Variants in PPARGC1A observed in about 807,000 individuals in gnomAD.
PPARGC1A encodes PPARG coactivator 1 alpha, also known as peroxisome proliferator-activated receptor gamma coactivator 1-alpha.
A neutral mutation model predicts 88.7 loss-of-function variants in PPARGC1A; 25 were observed. The ratio of observed to expected loss-of-function variants is 0.28; its 90% CI spans 0.21 to 0.39. PPARGC1A has a LOEUF of 0.39. Ranked by LOEUF, PPARGC1A falls within the 10% of genes least tolerant of loss-of-function variation. The pLI is 1.00. For missense variants in PPARGC1A, 880 were observed against 968.7 expected (o/e 0.91, Z 1.22); for synonymous variants, 363 against 355.6 (o/e 1.02, Z -0.24).
chr4:24,010,985 T>G, the PPARGC1A span, among the ~76,000 whole-genome samples: 1 of 152,100 alleles, frequency 6.6e-6, no homozygotes, highest in Non-Finnish European at 1.5e-5. Flanking sequence ...TCTGTTCAAC[T>G]ACGATAATGA....
the PPARGC1A span, among the ~76,000 whole-genome samples, chr4:23,987,666 C>T: frequency 6.6e-6 from 1 of 151,982 alleles, no homozygotes; most frequent in Non-Finnish European, 1.5e-5. Flanking sequence ...AGCACATACA[C>T]TTCTAAGTTA....
At chr4:24,210,172 C>A in the PPARGC1A span, among the ~76,000 whole-genome samples, 2,810 of 152,260 alleles carry the variant, frequency 0.018, 85 homozygotes, top group East Asian at 0.15. Flanking sequence ...TGAGTGTCAT[C>A]ATCTGCAATC....
the PPARGC1A span, among the ~76,000 whole-genome samples, chr4:24,330,624 TAGTATTTTAAGC>T: frequency 6.6e-6 from 1 of 152,192 alleles, no homozygotes; most frequent in African/African-American, 2.4e-5. Context: ...AATAACAAAT[TAGTATTTTAAGC>T]CACTAGATTG....
the PPARGC1A span, among the ~76,000 whole-genome samples, chr4:23,919,157 A>G: frequency 2.0e-5 from 3 of 152,194 alleles, no homozygotes; most frequent in South Asian, 4.1e-4. Context: ...GCAACTTTAC[A>G]TACACATTGT....
the PPARGC1A span, among the ~76,000 whole-genome samples, chr4:23,994,792 T>A: frequency 2.0e-5 from 3 of 152,122 alleles, no homozygotes; most frequent in African/African-American, 4.8e-5. Flanking sequence ...CAAAGTCCTA[T>A]CAGAAATGAC....
the PPARGC1A span, among the ~76,000 whole-genome samples, chr4:24,115,198 G>A: frequency 6.6e-6 from 1 of 152,092 alleles, no homozygotes; most frequent in Non-Finnish European, 1.5e-5. Flanking sequence ...GCCTCAGAAA[G>A]AAATGTCATC....
the PPARGC1A span, among the ~76,000 whole-genome samples, chr4:24,020,467 C>T: frequency 3.3e-5 from 5 of 152,122 alleles, no homozygotes; most frequent in African/African-American, 1.2e-4. Flanking sequence ...TCAATACAGA[C>T]TGTCTTAGAA....
the PPARGC1A span, among the ~76,000 whole-genome samples, chr4:24,260,890 G>A: frequency 7.9e-5 from 12 of 152,088 alleles, no homozygotes; most frequent in Admixed American, 6.6e-5. Flanking sequence ...ATCTTCACCT[G>A]TTAGCCCTTG....
intron 2 of PPARGC1A, among the ~76,000 whole-genome samples, chr4:23,867,763 G>A (rs532769071): frequency 1.3e-5 from 2 of 152,282 alleles, no homozygotes; most frequent in Admixed American, 6.5e-5. Context: ...TAGCCCCTAA[G>A]CTTGATTCTT....
the PPARGC1A span, among the ~76,000 whole-genome samples, chr4:24,247,061 T>C: frequency 2.6e-5 from 4 of 152,188 alleles, no homozygotes; most frequent in Admixed American, 2.6e-4. Flanking sequence ...TTGGAGCATA[T>C]GGATTGGGTG....
intron 2 of PPARGC1A, among the ~76,000 whole-genome samples, chr4:23,846,164 C>G (rs1047270268): frequency 6.6e-6 from 1 of 152,114 alleles, no homozygotes; most frequent in African/African-American, 2.4e-5. Flanking sequence ...ATTTACAGAA[C>G]GATGAAAAGG....
the PPARGC1A span, among the ~76,000 whole-genome samples, chr4:23,911,465 C>G: frequency 6.6e-6 from 1 of 152,140 alleles, no homozygotes; most frequent in Non-Finnish European, 1.5e-5. Flanking sequence ...CTTGAGATGA[C>G]AGATACAATA....
the PPARGC1A span, among the ~76,000 whole-genome samples, chr4:24,194,637 C>CAT: frequency 0.085 from 2,004 of 23,684 alleles, 52 homozygotes; most frequent in African/African-American, 0.15. Context: ...CGCGCACACA[C>CAT]ACACACACAC....
At chr4:24,199,153 C>T in the PPARGC1A span, among the ~76,000 whole-genome samples, 1 of 152,176 alleles carries the variant, frequency 6.6e-6, no homozygotes, top group Non-Finnish European at 1.5e-5. Context: ...AGCTCAAGAA[C>T]AGAAAGTTAA....
the PPARGC1A span, among the ~76,000 whole-genome samples, chr4:23,991,155 C>T: frequency 6.6e-6 from 1 of 152,106 alleles, no homozygotes; most frequent in South Asian, 2.1e-4. Context: ...CACAGCCACT[C>T]CACTTTCTGG....
chr4:24,269,082 T>A, the PPARGC1A span, among the ~76,000 whole-genome samples: 8 of 152,368 alleles, frequency 5.3e-5, no homozygotes, highest in Admixed American at 5.2e-4. Context: ...TTATTGCTTT[T>A]AAAATCTAAA....
chr4:23,873,307 A>C (rs1346159503), intron 2 of PPARGC1A, among the ~76,000 whole-genome samples: 1 of 152,186 alleles, frequency 6.6e-6, no homozygotes, highest in Non-Finnish European at 1.5e-5. Context: ...GTAATATTGC[A>C]TAGTGCTTTA....
chr4:24,076,917 C>T, the PPARGC1A span, among the ~76,000 whole-genome samples: 263 of 152,148 alleles, frequency 1.7e-3, no homozygotes, highest in Non-Finnish European at 3.1e-3. Context: ...CACCGCTGAA[C>T]TATGGAGTGT....
At chr4:23,876,860 T>C (rs977359406) in intron 2 of PPARGC1A, among the ~76,000 whole-genome samples, 1 of 152,040 alleles carries the variant, frequency 6.6e-6, no homozygotes, top group African/African-American at 2.4e-5. Context: ...TCAGGCCAAG[T>C]CATTTTATGC....
Sources: gnomAD v4.1 joint callset for allele counts (sites outside exome capture counted in the v4.1 genomes callset) on GRCh38, gnomAD v4.1.1 for gene constraint, MANE v1.5 for transcripts, NCBI Gene and HGNC (gene_info 2026-07-23, HGNC 2026-07-21) for gene names.